The following DUS3L variants were observed in gnomAD, a reference collection of about 807,000 sequenced individuals.
The protein encoded by DUS3L is tRNA-dihydrouridine(47) synthase [NAD(P)(+)]-like.
Under a neutral mutation model 74.6 loss-of-function variants are expected in DUS3L, and 62 were observed. The observed-to-expected ratio is 0.83, with a 90% CI of 0.68 to 1.03. The LOEUF (loss-of-function observed/expected upper bound fraction) is 1.03, where lower values mean the gene tolerates loss of function less well. DUS3L is among the 50% of genes least tolerant of loss of function. DUS3L has a pLI of 0.00. For missense variants in DUS3L, 884 were observed against 924.4 expected (o/e 0.96, Z 0.57); for synonymous variants, 433 against 395.7 (o/e 1.09, Z -1.12).
In DUS3L at chr19:5,786,501, T is replaced by A. The variant is rs2056843590; in HGVS notation, c.1528A>T (p.Met510Leu). The change falls in exon 10 of 13, where the codon ATG (methionine) becomes TTG (leucine). Residue 510 changes from methionine (M) to leucine (L), a missense_variant. Transcript: ENST00000309061. ...ATGATCCCGGTGACACCAGTCTGCA[T>A]GGCGCGGTTGGCATCCTCAAATGAC... The part of the protein sequence containing the change: ...ILSFEDANRA[M>L]QTGVTGIMIA... The A allele has an allele frequency of 1.2e-6, 2 of 1,613,084 alleles. No individual in the cohort carries two copies. Among genetic ancestry groups the A allele is most frequent in the African/African-American group, 2.7e-5 (2 of 75,028 alleles).
At chr19:5,790,770 A>G (rs2056902421) in intron 1 of DUS3L, 1 of 579,774 alleles carries the variant, frequency 1.7e-6, no homozygotes, top group Non-Finnish European at 3.1e-6. Flanking sequence ...GTCCATATGC[A>G]GGGACTACAA....
chr19:5,788,015 G>T lies in DUS3L; in HGVS notation c.1095+9C>A. ...CCTCCACTCTCCCTCCCTCGGGGTG[G>T]GCACTGACCTGGACGCCAAAGATGT... On this transcript the variant is annotated intron_variant, in intron 5 of 12. Transcript: ENST00000309061. The T allele has an allele frequency of 6.2e-7, 1 of 1,611,982 alleles. No homozygotes were observed.
chr19:5,789,480 G>A lies in DUS3L; in HGVS notation c.627C>T (p.Gly209=). The change falls in exon 3 of 13, where the codon GGC becomes GGT. Residue 209 remains glycine, a synonymous_variant. Coordinates refer to ENST00000309061, the MANE Select transcript of DUS3L (RefSeq NM_020175.3). The part of the protein sequence containing the change: ...RGTQPPSIRN[G]LDKALQQQLR... ...GCTGCTGCTGCAGGGCTTTGTCCAGGCCGTTGCGGATGGACGGGGGCTGGG... is the reference window on the plus strand; with the variant it reads ...GCTGCTGCTGCAGGGCTTTGTCCAGACCGTTGCGGATGGACGGGGGCTGGG... The A allele has an allele frequency of 6.2e-7, 1 of 1,603,956 alleles. No individual in the cohort carries two copies. Among genetic ancestry groups the A allele is most frequent in the South Asian group, 1.1e-5 (1 of 90,806 alleles).
chr19:5,789,016 T>A, intron 3 of DUS3L, 191 bp downstream of exon 3: 1 of 661,400 alleles, frequency 1.5e-6, no homozygotes, highest in Non-Finnish European at 2.1e-6. Flanking sequence ...CCTGTCCAGC[T>A]CTTTCTGTCC....
rs1179422074 is a variant in DUS3L, at chr19:5,788,053, G to A, written c.1066C>T (p.His356Tyr). The A allele has an allele frequency of 6.2e-7, 1 of 1,613,610 alleles. No individual in the cohort carries two copies. Among genetic ancestry groups the A allele is most frequent in the Admixed American group, 1.7e-5 (1 of 60,022 alleles). Residue 356 changes from histidine (H) to tyrosine (Y), a missense_variant, in exon 5 of 13, where the codon CAC (histidine) becomes TAC (tyrosine). Coordinates refer to ENST00000309061, the MANE Select transcript of DUS3L (RefSeq NM_020175.3). ...ACGCCAAAGATGTCCTCACACTGGTGGCGTTTGAGTAGGGCCCACTCGGAC... is the reference window on the plus strand; with the variant it reads ...ACGCCAAAGATGTCCTCACACTGGTAGCGTTTGAGTAGGGCCCACTCGGAC... ...QMSEWALLKR[H>Y]QCEDIFGVQL...
intron 3 of DUS3L, 94 bp from the exon 4 acceptor site, chr19:5,788,492 C>G: frequency 6.9e-7 from 1 of 1,453,552 alleles, no homozygotes; most frequent in African/African-American, 1.4e-5. Context: ...CTAGGACACA[C>G]TTGGCCCAAA....
At chr19:5,787,895 G>A (rs907410941) in intron 5 of DUS3L, 129 bp downstream of exon 5, 3 of 1,471,022 alleles carry the variant, frequency 2.0e-6, no homozygotes, top group Non-Finnish European at 2.7e-6. Flanking sequence ...AGGTGGATCA[G>A]GGCATCACCC....
Position 5,788,366 on chromosome 19 carries a change from G to A in DUS3L, c.933C>T (p.Pro311=), listed in dbSNP as rs139624192. 292 of 1,613,712 alleles carry A rather than the reference G, an allele frequency of 1.8e-4. 1 individual carries two copies. Among genetic ancestry groups the A allele is most frequent in the Admixed American group, 7.3e-4 (44 of 59,986 alleles). Residue 311 remains proline (P), a synonymous_variant, in exon 4 of 13, where the codon CCC becomes CCT. Coordinates refer to ENST00000309061, the MANE Select transcript of DUS3L (RefSeq NM_020175.3). ...LDIRGKLYLA[P]LTTCGNLPFR... ...CTGACCCAGGTCCTACCGTGGTGAG[G>A]GGGGCCAGGTAAAGTTTGCCACGGA...
At position 5,785,428 on chromosome 19, in the gene DUS3L, TCCAGGTAGTCGCGGC is replaced by T. The variant is rs1169446727; in HGVS notation, c.1820_1834del (p.Gly607_Leu611del). The T allele has an allele frequency of 6.3e-7, 1 of 1,593,050 alleles. No homozygotes were observed. Among genetic ancestry groups the T allele is most frequent in the South Asian group, 1.1e-5 (1 of 88,346 alleles). ...TGCCTTCTGGCTGGCCATCAGCGTC[TCCAGGTAGTCGCGGC>T]CCAGGTAGTAGGGCGGCCGCTCGTT... On this transcript the variant is annotated inframe_deletion, in exon 12 of 13. Coordinates refer to ENST00000309061, the MANE Select transcript of DUS3L (RefSeq NM_020175.3).
Position 5,786,548 on chromosome 19 carries a change from G to A in DUS3L, c.1487-6C>T, listed in dbSNP as rs368384825. 1.9e-5 allele frequency: 31 copies of A among 1,612,642 alleles called. No homozygotes were observed. The highest frequency in any genetic ancestry group is 6.7e-5 in the East Asian group (3 of 44,898). ...TGACAAGATGTCCCCATTTCCTGAG[G>A]AGACAGAGGCTGGGGTCTCAGGGAG... is the stretch of plus-strand genomic sequence containing the variant. On this transcript the variant is annotated splice_polypyrimidine_tract_variant and splice_region_variant and intron_variant, in intron 9 of 12. Transcript: ENST00000309061.
At chr19:5,786,279 G>C (rs996020357) in intron 10 of DUS3L, among the ~76,000 whole-genome samples, 188 bp downstream of exon 10, 1 of 152,140 alleles carries the variant, frequency 6.6e-6, no homozygotes, top group Non-Finnish European at 1.5e-5. Context: ...ACAATCATCA[G>C]ATCCCACAGC....
At chr19:5,790,762 C>A (rs2056902278) in intron 1 of DUS3L, 1 of 576,826 alleles carries the variant, frequency 1.7e-6, no homozygotes. Flanking sequence ...CGCCGTACGT[C>A]CATATGCAGG....
At chr19:5,786,039 T>C (rs1006886821) in intron 10 of DUS3L, 1 of 510,690 alleles carries the variant, frequency 2.0e-6, no homozygotes, top group African/African-American at 2.0e-5. Context: ...TCAACCTCCG[T>C]CTCCCAGGTT....
chr19:5,786,559 T>TG lies in DUS3L; in HGVS notation c.1487-18dup. ...CCCCATTTCCTGAGGAGACAGAGGC[T>TG]GGGGTCTCAGGGAGACATGGGCAGG... On this transcript the variant is annotated splice_polypyrimidine_tract_variant and intron_variant, in intron 9 of 12. Coordinates refer to ENST00000309061, the MANE Select transcript of DUS3L (RefSeq NM_020175.3). 1 of 1,612,056 alleles carries TG rather than the reference T, an allele frequency of 6.2e-7. No homozygotes were observed. The highest frequency in any genetic ancestry group is 8.5e-7 in the Non-Finnish European group (1 of 1,179,484).
At chr19:5,786,404 T>C in intron 10 of DUS3L, 63 bp downstream of exon 10, 2 of 1,520,224 alleles carry the variant, frequency 1.3e-6, no homozygotes, top group Middle Eastern at 2.1e-4. Flanking sequence ...GGTGACGGCG[T>C]GTTGGGTTCA....
At chr19:5,785,872 G>C in intron 10 of DUS3L, 81 bp from the exon 11 acceptor site, 1 of 1,429,220 alleles carries the variant, frequency 7.0e-7, no homozygotes, top group Non-Finnish European at 9.3e-7. Flanking sequence ...GGCCTGGCCT[G>C]AGCCGGAGCC....
chr19:5,791,147 C>G lies in DUS3L; in HGVS notation c.-6G>C. On this transcript the variant is annotated 5_prime_UTR_variant, in exon 1 of 13. Transcript: ENST00000309061. Reference sequence around the variant, plus strand: ...TCCGCCGTTCCCTCCGCCATCGGCGCCCCTCACATCCGCTCTGGAGTGTGG... The same window carrying G: ...TCCGCCGTTCCCTCCGCCATCGGCGGCCCTCACATCCGCTCTGGAGTGTGG... 1.3e-6 allele frequency: 2 copies of G among 1,599,510 alleles called. No homozygotes were observed. The highest frequency in any genetic ancestry group is 1.7e-4 in the Middle Eastern group (1 of 5,720).
At chr19:5,786,331 C>T (rs2056841518) in intron 10 of DUS3L, 136 bp downstream of exon 10, 5 of 801,802 alleles carry the variant, frequency 6.2e-6, no homozygotes, top group Non-Finnish European at 5.8e-6. Context: ...GCAGCTGCAA[C>T]TCCTGACATC....
rs1568386218 is a variant in DUS3L, at chr19:5,787,186, T to TGGGAGACGGC, written c.1279-16_1279-15insGCCGTCTCCC. ...ACATCCAGCACCTACAGGACGGTGG[T>TGGGAGACGGC]GGGAGGTGGTGGGAGATGGTGGGAG... On this transcript the variant is annotated splice_polypyrimidine_tract_variant and intron_variant, in intron 7 of 12. Coordinates refer to ENST00000309061, the MANE Select transcript of DUS3L (RefSeq NM_020175.3). The TGGGAGACGGC allele has an allele frequency of 1.5e-5, 18 of 1,206,968 alleles. No homozygotes were observed. Among genetic ancestry groups the TGGGAGACGGC allele is most frequent in the Admixed American group, 7.1e-5 (2 of 28,078 alleles). 74.8% of individuals were successfully genotyped at this position (1,206,968 alleles called of 1,614,324 possible). A position where few individuals can be genotyped will look rare whatever the true frequency, so the allele number is the denominator to read the frequency against.
Sources: allele counts gnomAD v4.1 joint callset (sites outside exome capture counted in the v4.1 genomes callset), GRCh38; gene constraint gnomAD v4.1.1; transcripts MANE v1.5; gene names NCBI Gene and HGNC (gene_info 2026-07-23, HGNC 2026-07-21).